CUEDC1: variants seen among roughly 807,000 people sequenced by gnomAD.
CUEDC1 encodes CUE domain-containing protein 1.
In CUEDC1, 30 loss-of-function variants were observed where a neutral mutation model predicts 43.7. The ratio of observed to expected loss-of-function variants is 0.69; its 90% CI spans 0.51 to 0.93. The LOEUF is 0.93. CUEDC1 is among the 40% of genes least tolerant of loss of function. CUEDC1 has a pLI of 0.00. For missense variants in CUEDC1, 486 were observed against 549.0 expected, an observed-to-expected ratio of 0.89 and a Z score of 1.15; for synonymous variants, 223 against 223.6, an observed-to-expected ratio of 1.00 and a Z score of 0.02.
chr17:57,886,963 C>A (rs1007587841), intron 1 of CUEDC1, among the ~76,000 whole-genome samples: 3 of 151,692 alleles, frequency 2.0e-5, no homozygotes, highest in Non-Finnish European at 2.9e-5. Context: ...GGACTACAGG[C>A]GCCCGCCACC....
At chr17:57,883,887 T>C (rs1405084570) in intron 2 of CUEDC1, among the ~76,000 whole-genome samples, 6 of 152,322 alleles carry the variant, frequency 3.9e-5, no homozygotes, top group Admixed American at 6.5e-5. Flanking sequence ...ACAACACCCC[T>C]CTGATTAACA....
At chr17:57,917,336 G>C (rs377541908) in intron 1 of CUEDC1, among the ~76,000 whole-genome samples, 27 of 152,200 alleles carry the variant, frequency 1.8e-4, no homozygotes, top group African/African-American at 6.5e-4. Context: ...AGGGCCTCTT[G>C]ACTGGCACTC....
intron 1 of CUEDC1, among the ~76,000 whole-genome samples, chr17:57,919,697 A>G (rs978690961): frequency 2.0e-5 from 3 of 152,182 alleles, no homozygotes; most frequent in Non-Finnish European, 4.4e-5. Flanking sequence ...ACCTGGGTGT[A>G]ACTTTATTTC....
intron 1 of CUEDC1, chr17:57,892,821 T>C (rs1258969324): frequency 7.0e-6 from 1 of 142,236 alleles, no homozygotes; most frequent in Non-Finnish European, 1.5e-5. Context: ...ACCCGCAGAG[T>C]TGTCAAATCA....
chr17:57,889,461 G>T (rs1443170753), intron 1 of CUEDC1, among the ~76,000 whole-genome samples: 1 of 152,210 alleles, frequency 6.6e-6, no homozygotes, highest in Admixed American at 6.5e-5. Flanking sequence ...AGCAGCTCAA[G>T]CAGCCGCTTC....
intron 1 of CUEDC1, among the ~76,000 whole-genome samples, chr17:57,917,391 G>C (rs2074653680): frequency 6.6e-6 from 1 of 152,190 alleles, no homozygotes; most frequent in Non-Finnish European, 1.5e-5. Flanking sequence ...TAGCACATGT[G>C]GTCATCCTGG....
At chr17:57,893,530 AACTCG>A (rs2074378203) in intron 1 of CUEDC1, among the ~76,000 whole-genome samples, 1 of 152,226 alleles carries the variant, frequency 6.6e-6, no homozygotes, top group Non-Finnish European at 1.5e-5. Context: ...GCTTAATGGA[AACTCG>A]ACCCAAATGG....
intron 3 of CUEDC1, among the ~76,000 whole-genome samples, chr17:57,879,241 G>C (rs1161499859): frequency 6.6e-6 from 1 of 152,180 alleles, no homozygotes; most frequent in Admixed American, 6.5e-5. Flanking sequence ...TGATGAATCA[G>C]CCATGTTTGC....
intron 1 of CUEDC1, among the ~76,000 whole-genome samples, chr17:57,942,689 A>C (rs1018041000): frequency 2.0e-5 from 3 of 150,496 alleles, no homozygotes; most frequent in Non-Finnish European, 3.0e-5. Context: ...ACACCCGGCC[A>C]AATTGTCTAG....
chr17:57,907,398 G>C (rs556331325), intron 1 of CUEDC1, among the ~76,000 whole-genome samples: 1 of 152,272 alleles, frequency 6.6e-6, no homozygotes. Flanking sequence ...CTGTCCTAGA[G>C]GACCCTCAGT....
At chr17:57,886,986 T>A (rs924774575) in intron 1 of CUEDC1, among the ~76,000 whole-genome samples, 5 of 151,002 alleles carry the variant, frequency 3.3e-5, no homozygotes, top group Admixed American at 6.6e-5. Flanking sequence ...ACCCGGCTAA[T>A]TTTTTTTTGT....
At chr17:57,875,283 G>A (rs1298878347) in intron 3 of CUEDC1, among the ~76,000 whole-genome samples, 1 of 152,118 alleles carries the variant, frequency 6.6e-6, no homozygotes, top group Non-Finnish European at 1.5e-5. Flanking sequence ...ACCACACCTC[G>A]GAGCCACCCA....
chr17:57,868,821 G>C (rs978393259), intron 7 of CUEDC1, among the ~76,000 whole-genome samples: 2 of 152,290 alleles, frequency 1.3e-5, no homozygotes, highest in African/African-American at 2.4e-5. Flanking sequence ...AGTCAGCTCC[G>C]GCCAAGCCTC....
chr17:57,880,125 G>A (rs2074183819), intron 2 of CUEDC1, among the ~76,000 whole-genome samples: 3 of 152,324 alleles, frequency 2.0e-5, no homozygotes, highest in South Asian at 2.1e-4. Flanking sequence ...AGGTTCTGGG[G>A]ATGATGGTTA....
intron 1 of CUEDC1, among the ~76,000 whole-genome samples, chr17:57,927,778 A>T (rs1285368758): frequency 2.0e-5 from 3 of 152,266 alleles, no homozygotes; most frequent in African/African-American, 7.2e-5. Flanking sequence ...ATTCCTCTGG[A>T]TGGCAATGGA....
At position 57,940,568 on chromosome 17, in the gene CUEDC1, C is replaced by T. The variant is rs188200073; in HGVS notation, c.-316+14657G>A. Among the ~76,000 whole-genome samples, 351 of 152,240 alleles carry T rather than the reference C, an allele frequency of 2.3e-3. 3 individuals are homozygous for T. Among genetic ancestry groups the T allele is most frequent in the African/African-American group, 8.1e-3 (337 of 41,526 alleles). On this transcript the variant is annotated intron_variant, in intron 1 of 10. Transcript: ENST00000577830. ...ACTGCCTGACCTACAAGACTTTCCA[C>T]GAGCAAAAAATAAACCTAGATGGTG...
At chr17:57,898,158 C>A (rs2074433201) in intron 1 of CUEDC1, among the ~76,000 whole-genome samples, 1 of 152,242 alleles carries the variant, frequency 6.6e-6, no homozygotes, top group Non-Finnish European at 1.5e-5. Flanking sequence ...TCAGTCACTG[C>A]ACCCCATGGT....
rs549692241 is a variant in CUEDC1, at chr17:57,918,845, AATTTTTATTTTT to A, written c.-315-32978_-315-32967del. ...GTTATGATAAAACATTTTATATGTC[AATTTTTATTTTT>A]ATTTTTATTTTTCTGAGATGGAGTC... On this transcript the variant is annotated intron_variant, in intron 1 of 10. Coordinates refer to ENST00000577830, the MANE Select transcript of CUEDC1 (RefSeq NM_001271875.2). Among the ~76,000 whole-genome samples, 645 of 152,288 alleles carry A rather than the reference AATTTTTATTTTT, an allele frequency of 4.2e-3. 4 individuals carry two copies. The highest frequency in any genetic ancestry group is 0.014 in the African/African-American group (600 of 41,560).
At chr17:57,863,779 C>G (rs1169974230) in intron 10 of CUEDC1, among the ~76,000 whole-genome samples, 1 of 151,938 alleles carries the variant, frequency 6.6e-6, no homozygotes, top group East Asian at 1.9e-4. Context: ...GAGGCTGAGG[C>G]GGGCCGAGGT....
Sources: gnomAD v4.1 joint callset for allele counts (sites outside exome capture counted in the v4.1 genomes callset) on GRCh38, gnomAD v4.1.1 for gene constraint, MANE v1.5 for transcripts, NCBI Gene and HGNC (gene_info 2026-07-23, HGNC 2026-07-21) for gene names.